Variants in XKR9 observed in about 807,000 individuals in gnomAD.
The protein encoded by XKR9 is XK-related protein 9.
Under a neutral mutation model 32.0 loss-of-function variants are expected in XKR9, and 32 were observed. The ratio of observed to expected loss-of-function variants is 1.00; its 90% confidence interval spans 0.76 to 1.34. The LOEUF is 1.34. Ranked by LOEUF, XKR9 falls within the 40% of genes most tolerant of loss-of-function variation. The pLI is 0.00. For missense variants in XKR9, 546 were observed against 429.7 expected, an observed-to-expected ratio of 1.27 and a Z score of -2.39; for synonymous variants, 168 against 143.4, an observed-to-expected ratio of 1.17 and a Z score of -1.22.
the XKR9 span, among the ~76,000 whole-genome samples, chr8:70,933,730 G>T: frequency 6.6e-6 from 1 of 152,018 alleles, no homozygotes; most frequent in Non-Finnish European, 1.5e-5. Flanking sequence ...TTGGGGCCCA[G>T]AAATAGTTAT....
chr8:70,990,285 C>G, the XKR9 span, among the ~76,000 whole-genome samples: 1 of 152,094 alleles, frequency 6.6e-6, no homozygotes, highest in Non-Finnish European at 1.5e-5. Context: ...ATCTTCATAG[C>G]AGAGATCTTA....
the XKR9 span, among the ~76,000 whole-genome samples, chr8:70,893,393 G>A: frequency 0.14 from 20,613 of 152,094 alleles, 1,893 homozygotes; most frequent in African/African-American, 0.26. Flanking sequence ...CTCTGGTGCT[G>A]TCATATTTCC....
At chr8:70,871,196 TATTC>T in the XKR9 span, among the ~76,000 whole-genome samples, 27 of 152,332 alleles carry the variant, frequency 1.8e-4, 1 homozygote, top group African/African-American at 5.3e-4. Flanking sequence ...TTCATATATG[TATTC>T]ATTCAATCAA....
chr8:70,823,438 T>G, the XKR9 span, among the ~76,000 whole-genome samples: 1 of 152,200 alleles, frequency 6.6e-6, no homozygotes, highest in Non-Finnish European at 1.5e-5. Context: ...CAAGGTTACT[T>G]TTCCTCAGCC....
the XKR9 span, among the ~76,000 whole-genome samples, chr8:70,982,869 A>G: frequency 3.3e-5 from 5 of 152,198 alleles, no homozygotes; most frequent in Non-Finnish European, 7.3e-5. Context: ...TAGTTTTGAG[A>G]ACATTTTCTA....
the XKR9 span, among the ~76,000 whole-genome samples, chr8:70,820,644 T>C: frequency 7.2e-5 from 11 of 152,104 alleles, no homozygotes; most frequent in African/African-American, 2.7e-4. Flanking sequence ...GGGGAGGCCT[T>C]AGGAAACTTA....
the XKR9 span, among the ~76,000 whole-genome samples, chr8:70,795,506 A>G: frequency 2.0e-5 from 3 of 152,130 alleles, no homozygotes; most frequent in African/African-American, 7.2e-5. Context: ...CCAGTAATGG[A>G]ATTGCTGGAT....
chr8:70,981,426 C>T, the XKR9 span, among the ~76,000 whole-genome samples: 13 of 151,956 alleles, frequency 8.6e-5, no homozygotes, highest in African/African-American at 2.7e-4. Flanking sequence ...TTGTTCAGTT[C>T]GATTGCTGAG....
chr8:70,821,207 G>T, the XKR9 span, among the ~76,000 whole-genome samples: 4 of 152,202 alleles, frequency 2.6e-5, no homozygotes, highest in African/African-American at 9.6e-5. Flanking sequence ...ATCCAATAGG[G>T]CAGTCCAATC....
chr8:70,746,771 C>CTT (rs905771465), intron 2 of XKR9, among the ~76,000 whole-genome samples: 13 of 142,676 alleles, frequency 9.1e-5, no homozygotes, highest in African/African-American at 2.3e-4. Flanking sequence ...GAGGTGGGGC[C>CTT]TTTTTTTTTT....
At chr8:71,027,209 A>G in the XKR9 span, among the ~76,000 whole-genome samples, 91 of 151,998 alleles carry the variant, frequency 6.0e-4, no homozygotes, top group African/African-American at 2.1e-3. Context: ...TTCTTAAGGT[A>G]ATCAAAGAGA....
chr8:70,893,377 A>G, the XKR9 span, among the ~76,000 whole-genome samples: 1 of 152,088 alleles, frequency 6.6e-6, no homozygotes, highest in Admixed American at 6.6e-5. Context: ...CACAGTTACG[A>G]TGTTCCTCTG....
the XKR9 span, among the ~76,000 whole-genome samples, chr8:70,869,298 G>A: frequency 6.6e-6 from 1 of 152,164 alleles, no homozygotes; most frequent in African/African-American, 2.4e-5. Context: ...CTAGGTAATT[G>A]ATACAGGAAA....
the XKR9 span, among the ~76,000 whole-genome samples, chr8:70,859,340 A>AT: frequency 6.6e-6 from 1 of 152,160 alleles, no homozygotes; most frequent in Non-Finnish European, 1.5e-5. Context: ...TCAAAAAGAC[A>AT]TTTTTGAAAT....
chr8:71,063,810 G>T, the XKR9 span, among the ~76,000 whole-genome samples: 1 of 152,106 alleles, frequency 6.6e-6, no homozygotes, highest in African/African-American at 2.4e-5. Flanking sequence ...AATCAAACTG[G>T]CCCATCTGAC....
chr8:70,947,943 G>A, the XKR9 span, among the ~76,000 whole-genome samples: 1 of 152,230 alleles, frequency 6.6e-6, no homozygotes, highest in Non-Finnish European at 1.5e-5. Flanking sequence ...GTAGGAGCAT[G>A]TGTCTGCTAA....
chr8:70,896,398 T>G, the XKR9 span, among the ~76,000 whole-genome samples: 4 of 152,102 alleles, frequency 2.6e-5, no homozygotes, highest in Admixed American at 6.5e-5. Context: ...ATTTTCTATC[T>G]CTTTTTGAGT....
chr8:70,838,682 A>G, the XKR9 span, among the ~76,000 whole-genome samples: 1 of 152,122 alleles, frequency 6.6e-6, no homozygotes, highest in Non-Finnish European at 1.5e-5. Flanking sequence ...ATGTTACCTC[A>G]AAGATATGAT....
In XKR9 at chr8:70,734,653, T is replaced by C; in HGVS notation, c.*229T>C. 1 of 361,726 alleles carries C rather than the reference T, an allele frequency of 2.8e-6. No homozygotes were observed. The highest frequency in any genetic ancestry group is 4.3e-6 in the Non-Finnish European group (1 of 230,104). 22.4% of individuals were successfully genotyped at this position (361,726 alleles called of 1,614,324 possible). On this transcript the variant is annotated 3_prime_UTR_variant, in exon 5 of 5. Transcript: ENST00000408926. ...TCTACTGCCTGGTAGAGCTGCCATC[T>C]TGAGCCTGAAATATAAGAAATGGTC...
Sources: gnomAD v4.1 joint callset for allele counts (sites outside exome capture counted in the v4.1 genomes callset) on GRCh38, gnomAD v4.1.1 for gene constraint, MANE v1.5 for transcripts, NCBI Gene and HGNC (gene_info 2026-07-23, HGNC 2026-07-21) for gene names.